The following BMPR1A variants were observed in gnomAD, a reference collection of about 807,000 sequenced individuals.
BMPR1A encodes the protein bone morphogenetic protein receptor type 1A.
Under a neutral mutation model 66.0 loss-of-function variants are expected in BMPR1A, and 7 were observed. The ratio of observed to expected loss-of-function variants is 0.11; its 90% CI spans 0.06 to 0.20. BMPR1A has a LOEUF of 0.20. BMPR1A is among the 10% of genes least tolerant of loss of function. BMPR1A has a pLI of 1.00. For missense variants in BMPR1A, 408 were observed against 669.1 expected (o/e 0.61, Z 4.31); for synonymous variants, 200 against 229.7 (o/e 0.87, Z 1.17).
At chr10:86,902,242 A>G (rs906345196) in intron 7 of BMPR1A, among the ~76,000 whole-genome samples, 3 of 152,078 alleles carry the variant, frequency 2.0e-5, no homozygotes, top group Admixed American at 2.0e-4. Context: ...TATTTAAATC[A>G]TGTATTCATT....
intron 1 of BMPR1A, among the ~76,000 whole-genome samples, chr10:86,810,846 C>T (rs1841959903): frequency 6.6e-6 from 1 of 152,088 alleles, no homozygotes; most frequent in South Asian, 2.1e-4. Context: ...TCTACCATTC[C>T]CATTCCTTGA....
rs1339893615 is a variant in BMPR1A, at chr10:86,871,437, CATTT to C, written c.-152-4428_-152-4425del. Reference sequence around the variant, plus strand: ...ATGCATAGCACAGACACTTAATAAACATTTAGGGAATAAATTAATAATTCAACGG... The same window carrying C: ...ATGCATAGCACAGACACTTAATAAACAGGGAATAAATTAATAATTCAACGG... On this transcript the variant is annotated intron_variant, in intron 2 of 12. Coordinates refer to ENST00000372037, the MANE Select transcript of BMPR1A (RefSeq NM_004329.3). 5.3e-5 allele frequency among the ~76,000 whole-genome samples: 8 copies of C among 152,280 alleles called. No individual in the cohort carries two copies. In the East Asian group the frequency reaches 1.5e-3, roughly 29 times the overall value.
chr10:86,795,415 TG>T (rs1181800626), intron 1 of BMPR1A, among the ~76,000 whole-genome samples: 12 of 76,832 alleles, frequency 1.6e-4, no homozygotes, highest in Admixed American at 1.0e-3. Flanking sequence ...AAAAGTGATT[TG>T]TTTTTTTTTT....
At chr10:86,770,825 G>A (rs1053931146) in intron 1 of BMPR1A, among the ~76,000 whole-genome samples, 3 of 152,230 alleles carry the variant, frequency 2.0e-5, no homozygotes, top group Non-Finnish European at 4.4e-5. Context: ...ATTAGGGATA[G>A]GGATAGAGAA....
chr10:86,801,072 C>A (rs1311476219), intron 1 of BMPR1A, among the ~76,000 whole-genome samples: 1 of 152,204 alleles, frequency 6.6e-6, no homozygotes, highest in Non-Finnish European at 1.5e-5. Flanking sequence ...ATGGGCAGGA[C>A]AATGTGTACT....
intron 7 of BMPR1A, among the ~76,000 whole-genome samples, chr10:86,905,216 A>C (rs139803333): frequency 1.3e-5 from 2 of 152,254 alleles, no homozygotes; most frequent in African/African-American, 4.8e-5. Flanking sequence ...TACCTTCTCT[A>C]AAACCTTATC....
chr10:86,761,105 G>C (rs1365617145), intron 1 of BMPR1A, among the ~76,000 whole-genome samples: 4 of 152,190 alleles, frequency 2.6e-5, no homozygotes, highest in Non-Finnish European at 5.9e-5. Context: ...TTTTTGAAAA[G>C]AACACTAGTT....
intron 2 of BMPR1A, chr10:86,856,222 G>A (rs1036108223): frequency 1.9e-6 from 1 of 525,418 alleles, no homozygotes; most frequent in Non-Finnish European, 3.8e-6. Flanking sequence ...TAGTGAGCAG[G>A]TGTAATGAAC....
chr10:86,924,117 GC>G lies in BMPR1A; in HGVS notation c.*400del. On this transcript the variant is annotated 3_prime_UTR_variant, in exon 13 of 13. Transcript: ENST00000372037. ...CAGCAGAGATGGAGAAATAGACTTT[GC>G]CTTTTACCTGAGACTTTCAGTTCGT... The G allele has an allele frequency of 2.8e-6, 1 of 358,210 alleles. No homozygotes were observed. The highest frequency in any genetic ancestry group is 3.9e-5 in the South Asian group (1 of 25,400). 22.2% of individuals were successfully genotyped at this position (358,210 alleles called of 1,614,324 possible).
chr10:86,778,557 G>A lies in BMPR1A; in HGVS notation c.-268+21638G>A, dbSNP rs531509348. Among the ~76,000 whole-genome samples the A allele has an allele frequency of 5.2e-4, 79 of 152,210 alleles. No individual in the cohort carries two copies. The South Asian group carries it at 6.4e-3, about 12-fold the overall frequency. ...TACAGTGATCAGATCAGGATAATTA[G>A]CATATCCATCATCTTAAACATTTAT... On this transcript the variant is annotated intron_variant, in intron 1 of 12. Transcript: ENST00000372037.
At chr10:86,809,082 A>C (rs1841930681) in intron 1 of BMPR1A, among the ~76,000 whole-genome samples, 2 of 152,012 alleles carry the variant, frequency 1.3e-5, no homozygotes, top group African/African-American at 4.8e-5. Flanking sequence ...GAAAAATCTC[A>C]TTTCAGTGAT....
intron 2 of BMPR1A, among the ~76,000 whole-genome samples, chr10:86,857,570 G>A (rs1006262195): frequency 2.6e-5 from 4 of 152,084 alleles, no homozygotes; most frequent in Non-Finnish European, 5.9e-5. Flanking sequence ...TCACAAGGTT[G>A]CAGTCAGGAA....
intron 1 of BMPR1A, among the ~76,000 whole-genome samples, chr10:86,829,395 C>T (rs1408323974): frequency 3.3e-5 from 5 of 152,076 alleles, no homozygotes; most frequent in East Asian, 1.9e-4. Context: ...AAGGAGAGGT[C>T]CCTTGTGCCT....
intron 7 of BMPR1A, among the ~76,000 whole-genome samples, chr10:86,907,608 G>C (rs1223492323): frequency 6.6e-6 from 1 of 152,150 alleles, no homozygotes; most frequent in Non-Finnish European, 1.5e-5. Flanking sequence ...AAGAAAATGT[G>C]GTCCATACAG....
chr10:86,910,041 A>T (rs1355025256), intron 7 of BMPR1A, among the ~76,000 whole-genome samples: 1 of 152,100 alleles, frequency 6.6e-6, no homozygotes, highest in Admixed American at 6.5e-5. Flanking sequence ...TCCAAATATT[A>T]CCAGTAGGTG....
chr10:86,778,768 C>T (rs1462162165), intron 1 of BMPR1A, among the ~76,000 whole-genome samples: 7 of 151,978 alleles, frequency 4.6e-5, no homozygotes, highest in Middle Eastern at 3.2e-3. Flanking sequence ...TCTACCCTTC[C>T]TATCCTCTGT....
At chr10:86,882,490 G>C (rs1300142927) in intron 3 of BMPR1A, among the ~76,000 whole-genome samples, 1 of 151,952 alleles carries the variant, frequency 6.6e-6, no homozygotes, top group Non-Finnish European at 1.5e-5. Flanking sequence ...AATAGAAAAA[G>C]GACAAGAAGC....
At position 86,790,179 on chromosome 10, in the gene BMPR1A, A is replaced by T. The variant is rs1248706222; in HGVS notation, c.-268+33260A>T. On this transcript the variant is annotated intron_variant, in intron 1 of 12. Coordinates refer to ENST00000372037, the MANE Select transcript of BMPR1A (RefSeq NM_004329.3). ...TCTGTCTCCAAAAAAAAAAAAAAAA[A>T]AAAAAAAAAATATATATATATATAT... 1.9e-4 allele frequency among the ~76,000 whole-genome samples: 8 copies of T among 42,982 alleles called. 1 individual carries two copies. The highest frequency in any genetic ancestry group is 1.0e-3 in the African/African-American group (8 of 7,650). The allele number at this position is 42,982 out of a possible 152,430, so 28.2% of individuals were successfully genotyped here. A position where few individuals can be genotyped will look rare whatever the true frequency, so the allele number is the denominator to read the frequency against.
At position 86,917,941 on chromosome 10, in the gene BMPR1A, G is replaced by T. The variant is rs369561497; in HGVS notation, c.868+615G>T. Among the ~76,000 whole-genome samples the T allele has an allele frequency of 5.9e-5, 9 of 152,298 alleles. No homozygotes were observed. The East Asian group carries it at 1.2e-3, about 20-fold the overall frequency. ...ACTGGGTGGCTTCAACCTCCAAAAC[G>T]TATTCACTCAGTTTTCGAGGCTAGA... On this transcript the variant is annotated intron_variant, in intron 9 of 12. Coordinates refer to ENST00000372037, the MANE Select transcript of BMPR1A (RefSeq NM_004329.3).
Sources: allele counts gnomAD v4.1 joint callset (sites outside exome capture counted in the v4.1 genomes callset), GRCh38; gene constraint gnomAD v4.1.1; transcripts MANE v1.5; gene names NCBI Gene and HGNC (gene_info 2026-07-23, HGNC 2026-07-21).